CD109: variants seen among roughly 807,000 people sequenced by gnomAD.
CD109 encodes CD109 molecule.
In CD109, 149 loss-of-function variants were observed where a neutral mutation model predicts 165.8. The observed-to-expected ratio is 0.90, with a 90% CI of 0.79 to 1.03. The LOEUF is 1.03. Ranked by LOEUF, CD109 falls within the 50% of genes least tolerant of loss-of-function variation. The pLI, the probability that CD109 is intolerant of heterozygous loss-of-function variation, is 0.00. For synonymous variants in CD109, 585 were observed against 592.1 expected (o/e 0.99, Z 0.18); for missense variants, 1,712 against 1,677.8 (o/e 1.02, Z -0.36).
At chr6:73,704,522 A>C (rs946469983) in intron 2 of CD109, among the ~76,000 whole-genome samples, 1 of 152,232 alleles carries the variant, frequency 6.6e-6, no homozygotes, top group Non-Finnish European at 1.5e-5. Flanking sequence ...TTAAACTCCA[A>C]GTTAAACATG....
chr6:73,725,345 G>C (rs1019403447), intron 3 of CD109, among the ~76,000 whole-genome samples: 1 of 152,114 alleles, frequency 6.6e-6, no homozygotes, highest in Non-Finnish European at 1.5e-5. Flanking sequence ...CACAATAATT[G>C]TCTGGTTTCC....
At chr6:73,689,300 T>C in the CD109 span, among the ~76,000 whole-genome samples, 2 of 151,958 alleles carry the variant, frequency 1.3e-5, no homozygotes, top group Non-Finnish European at 2.9e-5. Context: ...ACAACCTGAG[T>C]TTGTGATTGG....
At chr6:73,772,092 C>T (rs892469780) in intron 15 of CD109, among the ~76,000 whole-genome samples, 9 of 152,108 alleles carry the variant, frequency 5.9e-5, no homozygotes, top group Non-Finnish European at 7.4e-5. Context: ...CATTTTAAGA[C>T]ACTCAAGAAA....
intron 7 of CD109, 110 bp from the exon 8 acceptor site, chr6:73,762,274 T>A: frequency 2.6e-6 from 2 of 767,288 alleles, no homozygotes; most frequent in Admixed American, 2.7e-5. Flanking sequence ...TGTAATTTTT[T>A]AAAATGTTAG....
At chr6:73,730,270 A>T in intron 3 of CD109, 74 bp from the exon 4 acceptor site, 1 of 956,570 alleles carries the variant, frequency 1.0e-6, no homozygotes, top group Non-Finnish European at 1.6e-6. Flanking sequence ...TACTTTTTTT[A>T]TTCTAACTTG....
chr6:73,734,026 C>T (rs555931431), intron 4 of CD109, among the ~76,000 whole-genome samples: 29 of 152,300 alleles, frequency 1.9e-4, no homozygotes, highest in Non-Finnish European at 3.2e-4. Flanking sequence ...GGGGGTATTG[C>T]TCATACTGTA....
chr6:73,746,314 C>T (rs758318417), intron 5 of CD109, among the ~76,000 whole-genome samples: 17 of 152,100 alleles, frequency 1.1e-4, no homozygotes, highest in Non-Finnish European at 1.9e-4. Context: ...GAAGGGGGCA[C>T]TGAAATGAGT....
Position 73,696,209 on chromosome 6 carries a change from C to A in CD109, c.-7C>A, listed in dbSNP as rs1232736475. On this transcript the variant is annotated 5_prime_UTR_variant, in exon 1 of 33. Coordinates refer to ENST00000287097, the MANE Select transcript of CD109 (RefSeq NM_133493.5). ...AGCGGACTGTAGCCCAGGCAGACGCCGTCGAGATGCAGGGCCCACCGCTCC... is the reference window on the plus strand; with the variant it reads ...AGCGGACTGTAGCCCAGGCAGACGCAGTCGAGATGCAGGGCCCACCGCTCC... The A allele has an allele frequency of 3.2e-6, 5 of 1,545,664 alleles. No homozygotes were observed. Among genetic ancestry groups the A allele is most frequent in the Non-Finnish European group, 4.3e-6 (5 of 1,149,512 alleles).
At chr6:73,744,029 G>A (rs747923338) in intron 5 of CD109, among the ~76,000 whole-genome samples, 32 of 152,104 alleles carry the variant, frequency 2.1e-4, no homozygotes, top group Non-Finnish European at 4.4e-4. Context: ...CGTTATTTTC[G>A]TTTTTTAAAA....
intron 22 of CD109, among the ~76,000 whole-genome samples, chr6:73,791,136 CATATATATAT>C (rs61429872): frequency 5.3e-4 from 30 of 56,332 alleles, no homozygotes; most frequent in Admixed American, 2.7e-3. Flanking sequence ...TACATACATA[CATATATATAT>C]ATATATATAT....
intron 22 of CD109, among the ~76,000 whole-genome samples, chr6:73,789,777 C>T (rs7748237): frequency 0.41 from 55,224 of 134,114 alleles, 10,955 homozygotes; most frequent in African/African-American, 0.49. Flanking sequence ...TTTTTTTTTC[C>T]TTTGATGGAG....
rs181312313 is a variant in CD109, at chr6:73,713,010, C to T, written c.248-10241C>T. 1.3e-3 allele frequency among the ~76,000 whole-genome samples: 204 copies of T among 152,232 alleles called. 2 individuals carry two copies. The highest frequency in any genetic ancestry group is 4.6e-4 in the Non-Finnish European group (31 of 68,026). Reference sequence around the variant, plus strand: ...AAATGTTCACAACAGTTTGCAAATACTATCTATTTAATTCTCAACCTAGCA... The same window carrying T: ...AAATGTTCACAACAGTTTGCAAATATTATCTATTTAATTCTCAACCTAGCA... On this transcript the variant is annotated intron_variant, in intron 2 of 32. Transcript: ENST00000287097.
At chr6:73,721,674 T>C (rs540903879) in intron 2 of CD109, among the ~76,000 whole-genome samples, 1 of 152,248 alleles carries the variant, frequency 6.6e-6, no homozygotes, top group Admixed American at 6.5e-5. Flanking sequence ...CAGTAATTTT[T>C]ATTTCTATTA....
At chr6:73,781,437 C>A in intron 17 of CD109, 118 bp downstream of exon 17, 2 of 833,136 alleles carry the variant, frequency 2.4e-6, no homozygotes, top group East Asian at 2.7e-5. Context: ...TTTTTTTGTT[C>A]TCTTCTCCCA....
At chr6:73,768,300 C>A in intron 14 of CD109, 69 bp downstream of exon 14, 1 of 983,282 alleles carries the variant, frequency 1.0e-6, no homozygotes, top group South Asian at 1.6e-5. Flanking sequence ...TGTAATATTT[C>A]TTTAGAAAAG....
At chr6:73,698,376 G>A (rs1336000605) in intron 2 of CD109, among the ~76,000 whole-genome samples, 1 of 151,792 alleles carries the variant, frequency 6.6e-6, no homozygotes, top group African/African-American at 2.4e-5. Flanking sequence ...TTAGAGACAA[G>A]CTCTCACCAT....
intron 23 of CD109, among the ~76,000 whole-genome samples, chr6:73,800,542 C>T (rs1209157995): frequency 1.3e-5 from 2 of 152,156 alleles, no homozygotes; most frequent in Non-Finnish European, 2.9e-5. Flanking sequence ...TTCCCTCTAG[C>T]AGTGGATCAG....
chr6:73,771,881 C>T (rs2150236254), intron 15 of CD109, among the ~76,000 whole-genome samples: 1 of 152,110 alleles, frequency 6.6e-6, no homozygotes, highest in Middle Eastern at 3.4e-3. Flanking sequence ...GATAATGTAC[C>T]ATATACTTGA....
chr6:73,782,367 T>A (rs1338122637), intron 17 of CD109, among the ~76,000 whole-genome samples: 1 of 152,242 alleles, frequency 6.6e-6, no homozygotes, highest in Non-Finnish European at 1.5e-5. Flanking sequence ...TGTTCTTTTT[T>A]ACATATTGAA....
Sources: gnomAD v4.1 joint callset for allele counts (sites outside exome capture counted in the v4.1 genomes callset) on GRCh38, gnomAD v4.1.1 for gene constraint, MANE v1.5 for transcripts, NCBI Gene and HGNC (gene_info 2026-07-23, HGNC 2026-07-21) for gene names.